The following TTC27 variants were observed in gnomAD, a reference collection of about 807,000 sequenced individuals.
TTC27 encodes the protein tetratricopeptide repeat domain 27.
In TTC27, 79 loss-of-function variants were observed where a neutral mutation model predicts 115.9. The ratio of observed to expected loss-of-function variants is 0.68; its 90% CI spans 0.57 to 0.82. The LOEUF (loss-of-function observed/expected upper bound fraction) is 0.82. Ranked by LOEUF, TTC27 falls within the 40% of genes least tolerant of loss-of-function variation. The probability of loss-of-function intolerance (pLI) is 0.00; values close to 1 mark genes in which losing one functional copy is unlikely to be tolerated. For synonymous variants in TTC27, 401 were observed against 356.0 expected (o/e 1.13, Z -1.42); for missense variants, 1,054 against 993.1 (o/e 1.06, Z -0.82).
intron 4 of TTC27, among the ~76,000 whole-genome samples, chr2:32,642,700 C>T (rs950374797): frequency 6.6e-6 from 1 of 151,818 alleles, no homozygotes; most frequent in African/African-American, 2.4e-5. Flanking sequence ...CAGGCTCTGG[C>T]CCCGTTGCCC....
intron 5 of TTC27, among the ~76,000 whole-genome samples, chr2:32,659,175 A>T (rs1665440838): frequency 6.6e-6 from 1 of 152,110 alleles, no homozygotes; most frequent in Non-Finnish European, 1.5e-5. Flanking sequence ...TATGTTGCTC[A>T]GGCTTGTCTT....
Position 32,703,797 on chromosome 2 carries a change from C to T in TTC27, c.1233+877C>T, listed in dbSNP as rs1572531291. On this transcript the variant is annotated intron_variant, in intron 10 of 19. Coordinates refer to ENST00000317907, the MANE Select transcript of TTC27 (RefSeq NM_017735.5). ...AAATCTTACAATAGATGTAGGATTT[C>T]GTAACGTCAATGTCTTAGTCTGTTT... Among the ~76,000 whole-genome samples the T allele has an allele frequency of 2.6e-5, 4 of 152,278 alleles. 1 individual carries two copies. Among genetic ancestry groups the T allele is most frequent in the Admixed American group, 2.0e-4 (3 of 15,298 alleles).
intron 10 of TTC27, among the ~76,000 whole-genome samples, chr2:32,704,307 C>G (rs982475899): frequency 2.0e-5 from 3 of 152,048 alleles, no homozygotes; most frequent in African/African-American, 7.2e-5. Flanking sequence ...ATGCCTCAGC[C>G]TTCTGAGTAG....
intron 9 of TTC27, among the ~76,000 whole-genome samples, chr2:32,684,064 A>G (rs1459885072): frequency 5.9e-5 from 9 of 152,252 alleles, no homozygotes; most frequent in South Asian, 2.1e-4. Context: ...AGGCTGATGC[A>G]GGATAATTGC....
chr2:32,709,123 G>T (rs1667486495), intron 10 of TTC27, among the ~76,000 whole-genome samples: 1 of 152,150 alleles, frequency 6.6e-6, no homozygotes, highest in South Asian at 2.1e-4. Flanking sequence ...ATTGATGAAT[G>T]ATAAATTTTG....
rs771070204 is a variant in TTC27, at chr2:32,664,338, G to C, written c.676G>C (p.Gly226Arg). 1 of 1,609,352 alleles carries C rather than the reference G, an allele frequency of 6.2e-7. No homozygotes were observed. Among genetic ancestry groups the C allele is most frequent in the Non-Finnish European group, 8.5e-7 (1 of 1,177,596 alleles). ...KLQNLFVDDSGRYLAIQFHLE... is the reference protein window; with the variant it reads ...KLQNLFVDDSRRYLAIQFHLE... ...ACAGAATCTGTTTGTAGATGATTCAGGTCGATATTTGGCTATTCAATTCCA... is the reference window on the plus strand; with the variant it reads ...ACAGAATCTGTTTGTAGATGATTCACGTCGATATTTGGCTATTCAATTCCA... Residue 226 changes from glycine to arginine, a missense_variant, in exon 6 of 20, where the codon GGT becomes CGT. Coordinates refer to ENST00000317907, the MANE Select transcript of TTC27 (RefSeq NM_017735.5).
At chr2:32,749,015 G>C (rs1350591082) in intron 12 of TTC27, among the ~76,000 whole-genome samples, 1 of 152,092 alleles carries the variant, frequency 6.6e-6, no homozygotes, top group African/African-American at 2.4e-5. Context: ...GCCTGTACCA[G>C]GGATTACTTA....
At chr2:32,707,115 T>C (rs1667400359) in intron 10 of TTC27, among the ~76,000 whole-genome samples, 1 of 152,248 alleles carries the variant, frequency 6.6e-6, no homozygotes, top group African/African-American at 2.4e-5. Context: ...TGAAGGTGGC[T>C]GAGCCCTTTT....
intron 13 of TTC27, among the ~76,000 whole-genome samples, chr2:32,765,171 A>G (rs1173884351): frequency 2.6e-5 from 4 of 152,202 alleles, no homozygotes; most frequent in Admixed American, 6.5e-5. Context: ...TATGGTGGCT[A>G]TATACCCTTG....
intron 15 of TTC27, among the ~76,000 whole-genome samples, chr2:32,783,964 G>A (rs1342069350): frequency 6.6e-6 from 1 of 152,190 alleles, no homozygotes; most frequent in Admixed American, 6.5e-5. Flanking sequence ...ATCATGAAAT[G>A]CTGCCTCTGC....
chr2:32,743,940 GAAAA>G (rs1275678097), intron 12 of TTC27, among the ~76,000 whole-genome samples: 2 of 152,300 alleles, frequency 1.3e-5, no homozygotes, highest in Non-Finnish European at 2.9e-5. Context: ...AAGGACCTTA[GAAAA>G]TACCATTAGC....
chr2:32,628,339 C>T lies in TTC27; in HGVS notation c.47C>T (p.Ala16Val). 1 of 1,607,790 alleles carries T rather than the reference C, an allele frequency of 6.2e-7. No individual in the cohort carries two copies. ...ATTCTGAGGGGATTCCCCACTGAGG[C>T]TGAGCGGCAGCAATGGAAACAGGAG... Reference protein sequence around the residue: ...LAILRGFPTEAERQQWKQEGV... With the variant: ...LAILRGFPTEVERQQWKQEGV... The change falls in exon 1 of 20, where the codon GCT (alanine) becomes GTT (valine). Residue 16 changes from alanine (A) to valine (V), a missense_variant. Ala to Val is a moderately conservative substitution (Grantham distance 64). Coordinates refer to ENST00000317907, the MANE Select transcript of TTC27 (RefSeq NM_017735.5).
chr2:32,642,095 G>T (rs1187181021), intron 4 of TTC27, among the ~76,000 whole-genome samples: 1 of 151,926 alleles, frequency 6.6e-6, no homozygotes, highest in Non-Finnish European at 1.5e-5. Flanking sequence ...GACCTTAGGT[G>T]ATCTGCCTAC....
At chr2:32,794,712 AAG>A (rs1038650768) in intron 16 of TTC27, among the ~76,000 whole-genome samples, 3 of 152,136 alleles carry the variant, frequency 2.0e-5, no homozygotes, top group Non-Finnish European at 2.9e-5. Flanking sequence ...TAAGGAAAAA[AAG>A]AGAAGATTCA....
intron 10 of TTC27, among the ~76,000 whole-genome samples, chr2:32,710,959 A>G (rs1286582765): frequency 6.6e-6 from 1 of 151,324 alleles, no homozygotes; most frequent in African/African-American, 2.4e-5. Flanking sequence ...TACTAAAAAT[A>G]CAAAACAATT....
intron 3 of TTC27, among the ~76,000 whole-genome samples, chr2:32,638,422 C>T (rs1462043474): frequency 1.3e-5 from 2 of 152,098 alleles, no homozygotes; most frequent in African/African-American, 2.4e-5. Flanking sequence ...TCTGTCGCCC[C>T]GGCTGGAGTG....
At chr2:32,634,099 A>G (rs1398031652) in intron 3 of TTC27, 94 bp downstream of exon 3, 1 of 1,385,888 alleles carries the variant, frequency 7.2e-7, no homozygotes, top group East Asian at 2.5e-5. Context: ...GTAGGAAAGA[A>G]ACATGACTTT....
Position 32,672,536 on chromosome 2 carries a change from A to C in TTC27, c.1052+152A>C, listed in dbSNP as rs149117552. The C allele has an allele frequency of 7.5e-4, 413 of 550,434 alleles. 1 individual carries two copies. Among genetic ancestry groups the C allele is most frequent in the African/African-American group, 6.2e-3 (328 of 52,708 alleles). 34.1% of individuals were successfully genotyped at this position (550,434 alleles called of 1,614,324 possible). A position where few individuals can be genotyped will look rare whatever the true frequency, so the allele number is the denominator to read the frequency against. ...GATCAGAGGAAATACTTGGAGAACC[A>C]ATTAAAGGGTTAGATATTACAAATC... On this transcript the variant is annotated intron_variant, in intron 8 of 19. Transcript: ENST00000317907.
chr2:32,717,183 A>G (rs1004088994), intron 10 of TTC27, among the ~76,000 whole-genome samples: 2 of 151,426 alleles, frequency 1.3e-5, no homozygotes, highest in Non-Finnish European at 2.9e-5. Flanking sequence ...TACATTGCCC[A>G]GTCTGATCTC....
Sources: allele counts gnomAD v4.1 joint callset (sites outside exome capture counted in the v4.1 genomes callset), GRCh38; gene constraint gnomAD v4.1.1; transcripts MANE v1.5; gene names NCBI Gene and HGNC (gene_info 2026-07-23, HGNC 2026-07-21).